The following DOCK10 variants were observed in gnomAD, a reference collection of about 807,000 sequenced individuals.
DOCK10 encodes dedicator of cytokinesis protein 10.
DOCK10 carries 145 observed loss-of-function variants against 280.1 expected under a neutral mutation model. That is an observed-to-expected ratio of 0.52 (90% CI 0.45 to 0.59). The LOEUF is 0.59. DOCK10 is among the 20% of genes least tolerant of loss of function. DOCK10 has a pLI of 0.00. For missense variants in DOCK10, 2,368 were observed against 2,651.7 expected (o/e 0.89, Z 2.35); for synonymous variants, 915 against 942.2 (o/e 0.97, Z 0.53).
chr2:224,852,069 C>T (rs1428190991), intron 18 of DOCK10, among the ~76,000 whole-genome samples: 2 of 152,116 alleles, frequency 1.3e-5, no homozygotes, highest in East Asian at 1.9e-4. Flanking sequence ...TCAAGCACGC[C>T]GAATCGAGAG....
intron 4 of DOCK10, among the ~76,000 whole-genome samples, chr2:224,890,202 T>A (rs1227960019): frequency 6.6e-6 from 1 of 152,240 alleles, no homozygotes; most frequent in Non-Finnish European, 1.5e-5. Flanking sequence ...CAGCATGGCT[T>A]ATCCTTCCTT....
intron 31 of DOCK10, among the ~76,000 whole-genome samples, chr2:224,811,257 G>A (rs747311197): frequency 6.6e-6 from 1 of 152,224 alleles, no homozygotes; most frequent in Non-Finnish European, 1.5e-5. Flanking sequence ...ATTTTTTCGT[G>A]TGTTTTTTGG....
intron 1 of DOCK10, among the ~76,000 whole-genome samples, chr2:225,038,733 A>G (rs1690333639): frequency 6.6e-6 from 1 of 152,188 alleles, no homozygotes; most frequent in Non-Finnish European, 1.5e-5. Context: ...GCATGTAACT[A>G]AAGTGGTAAG....
At chr2:224,811,651 T>C (rs1178003913) in intron 31 of DOCK10, among the ~76,000 whole-genome samples, 7 of 152,230 alleles carry the variant, frequency 4.6e-5, no homozygotes, top group African/African-American at 1.2e-4. Flanking sequence ...CCATCTTGAA[T>C]TGATTTTTGT....
chr2:224,984,665 T>C (rs567579341), intron 1 of DOCK10, among the ~76,000 whole-genome samples: 7 of 152,286 alleles, frequency 4.6e-5, no homozygotes, highest in African/African-American at 9.6e-5. Context: ...GAGTTGAGTA[T>C]GTTCTCCAAC....
chr2:224,962,976 G>T (rs1302682817), intron 1 of DOCK10, among the ~76,000 whole-genome samples: 1 of 152,064 alleles, frequency 6.6e-6, no homozygotes, highest in African/African-American at 2.4e-5. Flanking sequence ...TTAACAATTG[G>T]GAGATTTTTG....
At chr2:224,979,397 T>C (rs1387144447) in intron 1 of DOCK10, among the ~76,000 whole-genome samples, 1 of 152,206 alleles carries the variant, frequency 6.6e-6, no homozygotes, top group African/African-American at 2.4e-5. Flanking sequence ...TCTGGCTCCA[T>C]GGCCCAGGCT....
intron 19 of DOCK10, among the ~76,000 whole-genome samples, chr2:224,847,412 C>T (rs1241489980): frequency 2.6e-5 from 4 of 152,138 alleles, no homozygotes; most frequent in Non-Finnish European, 4.4e-5. Context: ...ATTGGAACTC[C>T]GGTAAGCTGC....
chr2:224,874,109 C>T lies in DOCK10; in HGVS notation c.1144G>A (p.Val382Met), dbSNP rs747495017. 4 of 1,609,272 alleles carry T rather than the reference C, an allele frequency of 2.5e-6. No individual in the cohort carries two copies. Among genetic ancestry groups the T allele is most frequent in the Non-Finnish European group, 1.7e-6 (2 of 1,177,394 alleles). ...GCTTTTTCTTCAAATGGTTTGATCA[C>T]AGACTCAGGTTCCAAGAGATCTTTT... The part of the protein sequence containing the change: ...QKKDLLEPES[V>M]IKPFEEKAAK... Residue 382 changes from valine (V) to methionine (M), a missense_variant, in exon 11 of 56, where the codon GTG becomes ATG. Val to Met is a conservative substitution (Grantham distance 21, BLOSUM62 1). Around this residue, in one of 2 missense-constraint regions of DOCK10, gnomAD observed 1,209 missense variants for 1,250.9 expected, o/e 0.97. Coordinates refer to ENST00000258390, the MANE Select transcript of DOCK10 (RefSeq NM_014689.3).
At chr2:224,826,787 CT>C (rs1172345372) in intron 27 of DOCK10, among the ~76,000 whole-genome samples, 1 of 150,168 alleles carries the variant, frequency 6.7e-6, no homozygotes, top group Admixed American at 6.7e-5. Flanking sequence ...ATCTATCTAT[CT>C]ATCATCTATC....
intron 47 of DOCK10, among the ~76,000 whole-genome samples, chr2:224,789,784 CT>C (rs10605253): frequency 7.5e-4 from 111 of 147,352 alleles, no homozygotes; most frequent in Admixed American, 1.4e-3. Context: ...CCAATACTTG[CT>C]TTTTTTTTTT....
chr2:224,818,523 G>A (rs1694298872), intron 29 of DOCK10, among the ~76,000 whole-genome samples: 1 of 150,712 alleles, frequency 6.6e-6, no homozygotes, highest in South Asian at 2.1e-4. Context: ...TCAGCATCCT[G>A]AGTAGCTGGA....
Position 225,020,410 on chromosome 2 carries a change from T to C in DOCK10, c.123+21842A>G, listed in dbSNP as rs142388771. Among the ~76,000 whole-genome samples, 258 of 152,286 alleles carry C rather than the reference T, an allele frequency of 1.7e-3. 2 individuals carry two copies. Among genetic ancestry groups the C allele is most frequent in the Non-Finnish European group, 3.1e-3 (214 of 68,004 alleles). ...CAGTAGAGGAATAATGAGCTAACCA[T>C]GAAGCAAAGAGTCTGTTTTCTGCCA... On this transcript the variant is annotated intron_variant, in intron 1 of 55. Coordinates refer to ENST00000258390, the MANE Select transcript of DOCK10 (RefSeq NM_014689.3).
intron 50 of DOCK10, among the ~76,000 whole-genome samples, chr2:224,781,359 A>C (rs1271566981): frequency 6.6e-6 from 1 of 152,174 alleles, no homozygotes; most frequent in African/African-American, 2.4e-5. Flanking sequence ...GAGATGGAGG[A>C]GCAGAATAAA....
chr2:224,948,587 T>C (rs1703557634), intron 1 of DOCK10, among the ~76,000 whole-genome samples: 1 of 152,232 alleles, frequency 6.6e-6, no homozygotes, highest in Non-Finnish European at 1.5e-5. Context: ...GATCACCTGA[T>C]TTCCTGGGGT....
intron 39 of DOCK10, 95 bp from the exon 40 acceptor site, chr2:224,802,135 T>C: frequency 7.6e-7 from 1 of 1,308,180 alleles, no homozygotes; most frequent in Non-Finnish European, 1.0e-6. Context: ...TTGAGTCAAA[T>C]ATTAAAAACT....
chr2:224,796,991 C>A lies in DOCK10; in HGVS notation c.4800G>T (p.Gln1600His). The A allele has an allele frequency of 1.2e-6, 2 of 1,613,106 alleles. No homozygotes were observed. The highest frequency in any genetic ancestry group is 1.7e-6 in the Non-Finnish European group (2 of 1,179,568). ...GTAAGTGGGACCGGACAATTGACTT[C>A]TGCTTGTTAAATTCAAAATTCTTCC... ...FMRKNFEFNKQKSIVRSHLQL... is the reference protein window; with the variant it reads ...FMRKNFEFNKHKSIVRSHLQL... Residue 1600 changes from glutamine to histidine, a missense_variant, in exon 43 of 56, where the codon CAG becomes CAT. By Grantham distance (24) the Gln-to-His change is conservative. This residue lies in a region of DOCK10 where 1,159 missense variants were observed against 1,400.8 expected (regional missense o/e 0.83). Coordinates refer to ENST00000258390, the MANE Select transcript of DOCK10 (RefSeq NM_014689.3).
intron 30 of DOCK10, among the ~76,000 whole-genome samples, chr2:224,815,970 T>G (rs941007065): frequency 6.6e-6 from 1 of 151,914 alleles, no homozygotes; most frequent in Non-Finnish European, 1.5e-5. Context: ...GAGGCAGAGG[T>G]TGCAGCGAGC....
At chr2:225,032,205 G>GT (rs1196275758) in intron 1 of DOCK10, among the ~76,000 whole-genome samples, 19 of 152,096 alleles carry the variant, frequency 1.2e-4, no homozygotes, top group African/African-American at 4.6e-4. Flanking sequence ...CAACTCTCTT[G>GT]TTTTAAAGAC....
Sources: gnomAD v4.1 joint callset for allele counts (sites outside exome capture counted in the v4.1 genomes callset) on GRCh38, gnomAD v4.1.1 for gene constraint, gnomAD v4.1.1 regional missense constraint, MANE v1.5 for transcripts, NCBI Gene and HGNC (gene_info 2026-07-23, HGNC 2026-07-21) for gene names.